ZFHX3: variants seen among roughly 807,000 people sequenced by gnomAD.
ZFHX3 encodes zinc finger homeobox 3.
A neutral mutation model predicts 279.1 loss-of-function variants in ZFHX3; 42 were observed. The observed-to-expected ratio is 0.15, with a 90% CI of 0.12 to 0.19. The LOEUF (loss-of-function observed/expected upper bound fraction) is 0.19, where lower values mean the gene tolerates loss of function less well. Ranked by LOEUF, ZFHX3 falls within the 10% of genes least tolerant of loss-of-function variation. ZFHX3 has a pLI of 1.00. For synonymous variants in ZFHX3, 2,293 were observed against 1,957.8 expected (o/e 1.17, Z -4.52); for missense variants, 4,981 against 4,754.0 (o/e 1.05, Z -1.40).
At position 72,889,931 on chromosome 16, in the gene ZFHX3, CCTT is replaced by C; in HGVS notation, c.3245_3247del (p.Glu1082del). The C allele has an allele frequency of 6.2e-7, 1 of 1,614,010 alleles. No individual in the cohort carries two copies. Among genetic ancestry groups the C allele is most frequent in the Non-Finnish European group, 8.5e-7 (1 of 1,180,016 alleles). ...AACGCAGTGGTAGTAGCAGCTCTCA[CCTT>C]CTACACCACTCTCATGCTGCTGCAG... On this transcript the variant is annotated inframe_deletion, in exon 4 of 10. Coordinates refer to ENST00000268489, the MANE Select transcript of ZFHX3 (RefSeq NM_006885.4).
chr16:73,454,692 C>T (rs1283120338), intron 3 of ZFHX3, among the ~76,000 whole-genome samples: 1 of 152,060 alleles, frequency 6.6e-6, no homozygotes, highest in Admixed American at 6.5e-5. Flanking sequence ...GGTATCACCC[C>T]CCTCTCCCCC....
intron 1 of ZFHX3, among the ~76,000 whole-genome samples, chr16:73,019,668 A>T (rs935766670): frequency 6.6e-6 from 1 of 152,208 alleles, no homozygotes; most frequent in African/African-American, 2.4e-5. Context: ...ATTGTGAGTC[A>T]TCACGACGCG....
intron 1 of ZFHX3, among the ~76,000 whole-genome samples, chr16:73,046,547 T>C (rs549904793): frequency 2.6e-5 from 4 of 152,164 alleles, no homozygotes; most frequent in South Asian, 2.1e-4. Context: ...ACGTGAAGAT[T>C]TGACACCTCC....
At chr16:72,837,861 C>CA (rs1476614565) in intron 4 of ZFHX3, among the ~76,000 whole-genome samples, 32 of 145,814 alleles carry the variant, frequency 2.2e-4, no homozygotes, top group African/African-American at 8.7e-4. Flanking sequence ...CTTGGCCTCT[C>CA]AAAGTGTTGG....
At chr16:73,059,372 GCACACA>G (rs59438799) in exon 1 of ZFHX3, 22,755 of 146,130 alleles carry the variant, frequency 0.16, 2,248 homozygotes, top group East Asian at 0.31. Context: ...ACGAGCGCGC[GCACACA>G]CACACACACA....
At chr16:72,900,253 G>C (rs1022550121) in intron 3 of ZFHX3, among the ~76,000 whole-genome samples, 1 of 152,140 alleles carries the variant, frequency 6.6e-6, no homozygotes, top group African/African-American at 2.4e-5. Context: ...TCCTGGGTGA[G>C]GAGCAGGGAA....
intron 1 of ZFHX3, among the ~76,000 whole-genome samples, chr16:73,840,894 G>C (rs1961286937): frequency 6.6e-6 from 1 of 152,110 alleles, no homozygotes; most frequent in Non-Finnish European, 1.5e-5. Context: ...GGAAGAGGTG[G>C]GTAGGTAAAG....
At chr16:73,297,623 T>C (rs34396442) in intron 4 of ZFHX3, among the ~76,000 whole-genome samples, 2,371 of 152,122 alleles carry the variant, frequency 0.016, 24 homozygotes, top group Middle Eastern at 0.041. Flanking sequence ...GGGACACATG[T>C]AGCCCTGATA....
chr16:73,119,734 G>C (rs1966474608), intron 7 of ZFHX3, among the ~76,000 whole-genome samples: 1 of 152,144 alleles, frequency 6.6e-6, no homozygotes, highest in Admixed American at 6.5e-5. Context: ...CCCCAGGCTG[G>C]AATGCAGTAG....
chr16:73,638,599 GC>G (rs1047985426), intron 2 of ZFHX3, among the ~76,000 whole-genome samples: 1 of 152,126 alleles, frequency 6.6e-6, no homozygotes, highest in Admixed American at 6.5e-5. Context: ...CATACAGTTT[GC>G]CTTCAATAAA....
intron 2 of ZFHX3, among the ~76,000 whole-genome samples, chr16:73,623,230 G>C (rs1399474076): frequency 2.0e-5 from 3 of 152,116 alleles, no homozygotes; most frequent in Non-Finnish European, 4.4e-5. Context: ...TAGAGACGGA[G>C]TTTCACCATG....
At chr16:73,864,738 T>C (rs1961968380) in intron 1 of ZFHX3, among the ~76,000 whole-genome samples, 1 of 151,146 alleles carries the variant, frequency 6.6e-6, no homozygotes, top group South Asian at 2.1e-4. Context: ...AATCAATCAA[T>C]AATAAAGAAA....
intron 2 of ZFHX3, among the ~76,000 whole-genome samples, chr16:73,537,855 T>C (rs1305487782): frequency 6.6e-6 from 1 of 152,222 alleles, no homozygotes; most frequent in East Asian, 1.9e-4. Flanking sequence ...CGTGGCTTTT[T>C]TGAAATCCTA....
intron 5 of ZFHX3, among the ~76,000 whole-genome samples, chr16:73,221,247 C>A (rs773224232): frequency 6.6e-6 from 1 of 151,900 alleles, no homozygotes; most frequent in Non-Finnish European, 1.5e-5. Flanking sequence ...GTGTGCCCAT[C>A]GTATAAAATT....
intron 2 of ZFHX3, among the ~76,000 whole-genome samples, chr16:73,471,089 A>AATG (rs970134324): frequency 2.4e-4 from 37 of 152,328 alleles, no homozygotes; most frequent in African/African-American, 8.7e-4. Context: ...TGTAGCACTT[A>AATG]ATGTCTAATG....
chr16:73,383,635 C>T (rs2016852496), intron 3 of ZFHX3, among the ~76,000 whole-genome samples: 1 of 148,798 alleles, frequency 6.7e-6, no homozygotes, highest in Non-Finnish European at 1.5e-5. Flanking sequence ...TTCCCGAAAT[C>T]CCTTGTGGAG....
chr16:72,853,354 T>C (rs1435242313), intron 4 of ZFHX3, among the ~76,000 whole-genome samples: 2 of 152,248 alleles, frequency 1.3e-5, no homozygotes, highest in East Asian at 1.9e-4. Context: ...CAATAATTTC[T>C]AGCCAAGGGA....
intron 2 of ZFHX3, among the ~76,000 whole-genome samples, chr16:73,562,324 G>T (rs201951066): frequency 1.3e-5 from 2 of 152,192 alleles, no homozygotes; most frequent in East Asian, 3.9e-4. Context: ...GGCCGGGCGC[G>T]GTGGCTCACA....
chr16:73,175,759 CT>C (rs1764465767), intron 5 of ZFHX3, among the ~76,000 whole-genome samples: 1 of 152,184 alleles, frequency 6.6e-6, no homozygotes, highest in African/African-American at 2.4e-5. Flanking sequence ...CATGTTAACT[CT>C]TTAGAGATCT....
Sources: gnomAD v4.1 joint callset for allele counts (sites outside exome capture counted in the v4.1 genomes callset) on GRCh38, gnomAD v4.1.1 for gene constraint, MANE v1.5 for transcripts, NCBI Gene and HGNC (gene_info 2026-07-23, HGNC 2026-07-21) for gene names.